PRKN: variants seen among roughly 807,000 people sequenced by gnomAD.
PRKN encodes parkin RBR E3 ubiquitin protein ligase, also known as E3 ubiquitin-protein ligase parkin.
PRKN carries 56 observed loss-of-function variants against 59.5 expected under a neutral mutation model. That is an observed-to-expected ratio of 0.94 (90% confidence interval 0.76 to 1.18). PRKN has a LOEUF of 1.18. PRKN is among the 50% of genes most tolerant of loss of function. PRKN has a pLI of 0.00. For synonymous variants in PRKN, 250 were observed against 222.1 expected, an observed-to-expected ratio of 1.13 and a Z score of -1.12; for missense variants, 657 against 596.4, an observed-to-expected ratio of 1.10 and a Z score of -1.06.
chr6:162,415,319 C>T lies in PRKN; in HGVS notation c.171+27991G>A, dbSNP rs568638488. On this transcript the variant is annotated intron_variant, in intron 2 of 11. Coordinates refer to ENST00000366898, the MANE Select transcript of PRKN (RefSeq NM_004562.3). ...TCAAACAGAAGACACAATGTGGCAC[C>T]GAAATGCAGCAATTGTGTGGAGGCA... Among the ~76,000 whole-genome samples, 14 of 152,154 alleles carry T rather than the reference C, an allele frequency of 9.2e-5. No homozygotes were observed. The South Asian group carries it at 1.5e-3, about 16-fold the overall frequency.
At chr6:162,218,043 C>T (rs558173378) in intron 3 of PRKN, among the ~76,000 whole-genome samples, 44 of 152,268 alleles carry the variant, frequency 2.9e-4, no homozygotes, top group African/African-American at 9.1e-4. Context: ...AACTGCACGC[C>T]GGGGTGACAG....
chr6:161,852,611 A>G (rs1017064752), intron 6 of PRKN, among the ~76,000 whole-genome samples: 3 of 152,206 alleles, frequency 2.0e-5, no homozygotes, highest in Admixed American at 1.3e-4. Context: ...AACAAGACCA[A>G]TGATCTGCTA....
chr6:162,494,480 C>G (rs1172329931), intron 1 of PRKN, among the ~76,000 whole-genome samples: 1 of 152,170 alleles, frequency 6.6e-6, no homozygotes, highest in Non-Finnish European at 1.5e-5. Context: ...CCAGAGCCTG[C>G]CATGTGGACT....
At chr6:162,273,226 T>A (rs1242214685) in intron 2 of PRKN, among the ~76,000 whole-genome samples, 1 of 152,076 alleles carries the variant, frequency 6.6e-6, no homozygotes, top group Non-Finnish European at 1.5e-5. Flanking sequence ...AATGGTTACC[T>A]ATGAGGGAGT....
At chr6:162,611,906 C>T (rs371227907) in intron 1 of PRKN, among the ~76,000 whole-genome samples, 3 of 152,112 alleles carry the variant, frequency 2.0e-5, no homozygotes, top group Admixed American at 6.5e-5. Flanking sequence ...AATGATACAG[C>T]GGGGCGTGGT....
chr6:162,456,869 C>T (rs578061879), intron 1 of PRKN, among the ~76,000 whole-genome samples: 3 of 152,270 alleles, frequency 2.0e-5, no homozygotes, highest in South Asian at 4.1e-4. Flanking sequence ...TTCTCCACAA[C>T]GGACATCACC....
intron 1 of PRKN, among the ~76,000 whole-genome samples, chr6:162,683,037 T>C (rs1779831211): frequency 6.6e-6 from 1 of 152,200 alleles, no homozygotes; most frequent in African/African-American, 2.4e-5. Context: ...ATTACAATAA[T>C]TGTTATTTTT....
intron 2 of PRKN, among the ~76,000 whole-genome samples, chr6:162,310,601 G>C (rs1272409192): frequency 6.6e-6 from 1 of 152,038 alleles, no homozygotes; most frequent in African/African-American, 2.4e-5. Context: ...ATTGTGGGGT[G>C]GGGGGAGCGG....
intron 6 of PRKN, among the ~76,000 whole-genome samples, chr6:161,806,247 T>C (rs546488216): frequency 6.6e-6 from 1 of 152,064 alleles, no homozygotes; most frequent in Non-Finnish European, 1.5e-5. Context: ...AGCCTGCCCA[T>C]CTGCAGCAGA....
At chr6:162,328,794 G>A (rs1012456105) in intron 2 of PRKN, among the ~76,000 whole-genome samples, 1 of 152,176 alleles carries the variant, frequency 6.6e-6, no homozygotes, top group Non-Finnish European at 1.5e-5. Flanking sequence ...GCCAAGGTAG[G>A]TGTGCCTCCA....
chr6:162,646,171 C>A (rs1045328455), intron 1 of PRKN, among the ~76,000 whole-genome samples: 2 of 152,044 alleles, frequency 1.3e-5, no homozygotes, highest in Middle Eastern at 3.4e-3. Flanking sequence ...CACACCCGGC[C>A]TAAACTTTCT....
chr6:162,054,562 T>C (rs1192214426), intron 4 of PRKN, among the ~76,000 whole-genome samples: 2 of 152,116 alleles, frequency 1.3e-5, no homozygotes, highest in Admixed American at 6.6e-5. Context: ...AACCCCACCA[T>C]GCAGTGGCCC....
At chr6:162,182,126 G>T (rs1783826474) in intron 4 of PRKN, among the ~76,000 whole-genome samples, 1 of 152,110 alleles carries the variant, frequency 6.6e-6, no homozygotes, top group South Asian at 2.1e-4. Flanking sequence ...GCATCCACCA[G>T]TTTCTACCCT....
Position 162,164,175 on chromosome 6 carries a change from G to A in PRKN, c.534+36956C>T, listed in dbSNP as rs150704819. On this transcript the variant is annotated intron_variant, in intron 4 of 11. Coordinates refer to ENST00000366898, the MANE Select transcript of PRKN (RefSeq NM_004562.3). Reference sequence around the variant, plus strand: ...TTTAACAATGGCCGAAAAGGAACTCGCTAATTAGTATTTAGCAAAAAAAGG... The same window carrying A: ...TTTAACAATGGCCGAAAAGGAACTCACTAATTAGTATTTAGCAAAAAAAGG... 1.5e-3 allele frequency among the ~76,000 whole-genome samples: 223 copies of A among 149,086 alleles called. 24 individuals carry two copies. Among genetic ancestry groups the A allele is most frequent in the African/African-American group, 5.4e-3 (215 of 39,640 alleles).
chr6:161,777,131 A>C (rs1052124921), intron 7 of PRKN, among the ~76,000 whole-genome samples: 4 of 152,186 alleles, frequency 2.6e-5, no homozygotes, highest in Non-Finnish European at 5.9e-5. Flanking sequence ...AAAAATGAGA[A>C]GAATAACAAC....
intron 1 of PRKN, among the ~76,000 whole-genome samples, chr6:162,449,890 C>G (rs1052644676): frequency 1.3e-5 from 2 of 152,140 alleles, no homozygotes; most frequent in Non-Finnish European, 2.9e-5. Context: ...ATGAAGATTT[C>G]TAGTTAGGGG....
chr6:161,641,490 C>G (rs964063062), intron 7 of PRKN, among the ~76,000 whole-genome samples: 1 of 152,158 alleles, frequency 6.6e-6, no homozygotes, highest in African/African-American at 2.4e-5. Flanking sequence ...ATCAGCTCCC[C>G]ACTTTTCAAC....
chr6:162,095,964 T>C (rs902055302), intron 4 of PRKN, among the ~76,000 whole-genome samples: 1 of 152,208 alleles, frequency 6.6e-6, no homozygotes, highest in Non-Finnish European at 1.5e-5. Context: ...GCATTCCATC[T>C]GCAGAAGAGG....
intron 1 of PRKN, among the ~76,000 whole-genome samples, chr6:162,633,921 C>T (rs542369624): frequency 3.3e-4 from 50 of 152,210 alleles, no homozygotes; most frequent in African/African-American, 1.0e-3. Flanking sequence ...ACATTAATCA[C>T]TTCTAAATAA....
Sources: allele counts gnomAD v4.1 joint callset (sites outside exome capture counted in the v4.1 genomes callset), GRCh38; gene constraint gnomAD v4.1.1; transcripts MANE v1.5; gene names NCBI Gene and HGNC (gene_info 2026-07-23, HGNC 2026-07-21).